GPR149: variants seen among roughly 807,000 people sequenced by gnomAD.
The protein encoded by GPR149 is G protein-coupled receptor 149, also known as probable G protein-coupled receptor 149.
GPR149 carries 50 observed loss-of-function variants against 50.2 expected under a neutral mutation model. The observed-to-expected ratio is 1.00, with a 90% CI of 0.79 to 1.26. The LOEUF (loss-of-function observed/expected upper bound fraction) is 1.26, where lower values mean the gene tolerates loss of function less well. GPR149 is among the 50% of genes most tolerant of loss of function. The probability of loss-of-function intolerance (pLI) is 0.00; values close to 1 mark genes in which losing one functional copy is unlikely to be tolerated. For missense variants in GPR149, 983 were observed against 895.4 expected, an observed-to-expected ratio of 1.10 and a Z score of -1.25; for synonymous variants, 405 against 358.2, an observed-to-expected ratio of 1.13 and a Z score of -1.48.
chr3:154,356,390 T>G (rs1001097168), intron 3 of GPR149, among the ~76,000 whole-genome samples: 57 of 152,242 alleles, frequency 3.7e-4, no homozygotes, highest in Admixed American at 2.4e-3. Context: ...GAAGTCAAAT[T>G]GTCCCTGTTT....
At chr3:154,361,299 C>G (rs1714373509) in intron 3 of GPR149, among the ~76,000 whole-genome samples, 1 of 152,134 alleles carries the variant, frequency 6.6e-6, no homozygotes, top group South Asian at 2.1e-4. Context: ...GAAATGAGTT[C>G]TGTGAAAGTG....
chr3:154,355,217 G>A (rs1576902727), intron 3 of GPR149, among the ~76,000 whole-genome samples: 1 of 152,188 alleles, frequency 6.6e-6, no homozygotes, highest in East Asian at 1.9e-4. Flanking sequence ...TAATAGAGAT[G>A]GGGTTTCACC....
At chr3:154,371,854 C>T (rs920168384) in intron 3 of GPR149, among the ~76,000 whole-genome samples, 38 of 152,260 alleles carry the variant, frequency 2.5e-4, no homozygotes, top group African/African-American at 9.1e-4. Context: ...CCATCCTACT[C>T]GTTTTTGGGC....
chr3:154,374,174 T>TTTTC (rs1714737329), intron 3 of GPR149, among the ~76,000 whole-genome samples: 1 of 57,600 alleles, frequency 1.7e-5, no homozygotes, highest in African/African-American at 7.1e-5. Context: ...CTTTTCTTTT[T>TTTTC]TTTTTTTTTT....
intron 3 of GPR149, among the ~76,000 whole-genome samples, chr3:154,385,161 T>C (rs946741445): frequency 6.6e-6 from 1 of 152,196 alleles, no homozygotes; most frequent in Admixed American, 6.5e-5. Context: ...TATTTTTAGC[T>C]AGAGATGACT....
chr3:154,341,016 G>A (rs558276877), intron 3 of GPR149, among the ~76,000 whole-genome samples: 25 of 152,078 alleles, frequency 1.6e-4, no homozygotes, highest in African/African-American at 5.8e-4. Context: ...CATCGTGCCC[G>A]GCCAAGATTT....
At chr3:154,410,884 A>G (rs562909243) in intron 3 of GPR149, among the ~76,000 whole-genome samples, 1 of 152,302 alleles carries the variant, frequency 6.6e-6, no homozygotes, top group South Asian at 2.1e-4. Flanking sequence ...TAACTGCAGA[A>G]TATACATTCT....
chr3:154,420,260 G>A (rs756098990), intron 3 of GPR149, among the ~76,000 whole-genome samples: 10 of 151,850 alleles, frequency 6.6e-5, no homozygotes, highest in Non-Finnish European at 1.0e-4. Context: ...GAAATCAATA[G>A]TGTGGAAAGC....
At chr3:154,427,110 C>G (rs1712324617) in intron 2 of GPR149, among the ~76,000 whole-genome samples, 1 of 151,912 alleles carries the variant, frequency 6.6e-6, no homozygotes, top group African/African-American at 2.4e-5. Context: ...GTTAATAATC[C>G]TTTTTCAAAT....
At chr3:154,353,272 T>C in intron 3 of GPR149, 1 of 1,441,738 alleles carries the variant, frequency 6.9e-7, no homozygotes, top group South Asian at 1.1e-5. Flanking sequence ...GCCTTTTGAG[T>C]CATTTATCCA....
At chr3:154,369,386 C>T (rs1714609353) in intron 3 of GPR149, among the ~76,000 whole-genome samples, 1 of 152,156 alleles carries the variant, frequency 6.6e-6, no homozygotes, top group Non-Finnish European at 1.5e-5. Flanking sequence ...TTAGTAAAGT[C>T]CCTTATGTAC....
At chr3:154,425,935 A>G (rs539452458) in intron 2 of GPR149, among the ~76,000 whole-genome samples, 6 of 151,378 alleles carry the variant, frequency 4.0e-5, no homozygotes, top group South Asian at 2.1e-4. Context: ...ACTGCCTTCA[A>G]CCAATTCATT....
At chr3:154,353,352 G>A in intron 3 of GPR149, 2 of 1,420,276 alleles carry the variant, frequency 1.4e-6, no homozygotes. Context: ...CTGTGGGCAA[G>A]TTGCAGAAAA....
intron 3 of GPR149, among the ~76,000 whole-genome samples, chr3:154,385,816 C>T (rs1238507924): frequency 6.6e-6 from 1 of 151,768 alleles, no homozygotes; most frequent in Non-Finnish European, 1.5e-5. Flanking sequence ...ATTCGCCTGC[C>T]TCAGCCTCCC....
chr3:154,395,271 C>A (rs947413785), intron 3 of GPR149, among the ~76,000 whole-genome samples: 1 of 151,672 alleles, frequency 6.6e-6, no homozygotes, highest in Non-Finnish European at 1.5e-5. Flanking sequence ...TTGGGAAATA[C>A]CTTTAAAATC....
At chr3:154,390,603 G>C (rs1229221852) in intron 3 of GPR149, among the ~76,000 whole-genome samples, 1 of 152,000 alleles carries the variant, frequency 6.6e-6, no homozygotes, top group Non-Finnish European at 1.5e-5. Flanking sequence ...ACACATTATG[G>C]GAGTGTAAGA....
chr3:154,412,153 C>G (rs934785322), intron 3 of GPR149, among the ~76,000 whole-genome samples: 1 of 152,140 alleles, frequency 6.6e-6, no homozygotes, highest in Non-Finnish European at 1.5e-5. Context: ...TCCAGCATCT[C>G]TTTATGATTA....
intron 3 of GPR149, among the ~76,000 whole-genome samples, chr3:154,374,085 G>A (rs1370752439): frequency 3.3e-5 from 5 of 151,374 alleles, no homozygotes; most frequent in Non-Finnish European, 7.4e-5. Flanking sequence ...TTTATGAGCT[G>A]TTCGAGAGCT....
intron 3 of GPR149, among the ~76,000 whole-genome samples, chr3:154,345,986 TTA>T (rs1345304682): frequency 1.3e-5 from 2 of 152,308 alleles, no homozygotes; most frequent in African/African-American, 4.8e-5. Flanking sequence ...GCTCTTTCTA[TTA>T]TTTGTATCAT....
Sources: gnomAD v4.1 joint callset for allele counts (sites outside exome capture counted in the v4.1 genomes callset) on GRCh38, gnomAD v4.1.1 for gene constraint, MANE v1.5 for transcripts, NCBI Gene and HGNC (gene_info 2026-07-23, HGNC 2026-07-21) for gene names.